DOCK3: variants seen among roughly 807,000 people sequenced by gnomAD.
DOCK3 encodes the protein dedicator of cytokinesis 3, also known as dedicator of cytokinesis protein 3.
Under a neutral mutation model 265.6 loss-of-function variants are expected in DOCK3, and 60 were observed. The ratio of observed to expected loss-of-function variants is 0.23; its 90% CI spans 0.18 to 0.28. The LOEUF is 0.28. DOCK3 is among the 10% of genes least tolerant of loss of function. DOCK3 has a pLI of 1.00. For missense variants in DOCK3, 1,981 were observed against 2,594.3 expected, an observed-to-expected ratio of 0.76 and a Z score of 5.14; for synonymous variants, 881 against 938.0, an observed-to-expected ratio of 0.94 and a Z score of 1.11.
At chr3:50,798,957 A>G (rs943787241) in intron 2 of DOCK3, among the ~76,000 whole-genome samples, 1 of 152,168 alleles carries the variant, frequency 6.6e-6, no homozygotes, top group African/African-American at 2.4e-5. Flanking sequence ...CAGTTTTTTC[A>G]GCATAATTTA....
chr3:50,882,054 G>C (rs959322315), intron 3 of DOCK3, among the ~76,000 whole-genome samples: 1 of 152,138 alleles, frequency 6.6e-6, no homozygotes, highest in Non-Finnish European at 1.5e-5. Flanking sequence ...CGGAAAACTG[G>C]CTAGCCATAC....
chr3:51,229,930 T>C (rs1391960907), intron 19 of DOCK3, among the ~76,000 whole-genome samples: 1 of 152,238 alleles, frequency 6.6e-6, no homozygotes, highest in Non-Finnish European at 1.5e-5. Context: ...TTGCACGTTC[T>C]ACTTCTATGT....
chr3:50,968,053 A>G (rs924335886), intron 5 of DOCK3, among the ~76,000 whole-genome samples: 1 of 152,106 alleles, frequency 6.6e-6, no homozygotes, highest in Non-Finnish European at 1.5e-5. Context: ...TTTTATATTA[A>G]CCATTCTAAC....
chr3:51,064,343 G>T (rs952474505), intron 5 of DOCK3, 105 bp from the exon 6 acceptor site: 3 of 1,427,562 alleles, frequency 2.1e-6, no homozygotes, highest in Admixed American at 1.9e-5. Flanking sequence ...TACCTTAGTA[G>T]TTCAGAGAAA....
chr3:50,977,328 A>G (rs2077491029), intron 5 of DOCK3, among the ~76,000 whole-genome samples: 3 of 151,976 alleles, frequency 2.0e-5, no homozygotes, highest in African/African-American at 7.2e-5. Flanking sequence ...AGCTCTTGTA[A>G]GGCAGGCCTG....
rs866606149 is a variant in DOCK3, at chr3:51,260,298, G to A, written c.2327G>A (p.Arg776Gln). The A allele has an allele frequency of 9.3e-6, 15 of 1,613,628 alleles. No individual in the cohort carries two copies. Among genetic ancestry groups the A allele is most frequent in the Middle Eastern group, 1.6e-4 (1 of 6,078 alleles). Reference sequence around the variant, plus strand: ...CGGTTTGTGCTCAGTCTGGACAGCCGAAACTCAGAAACACTCCTTTTTACT... The same window carrying A: ...CGGTTTGTGCTCAGTCTGGACAGCCAAAACTCAGAAACACTCCTTTTTACT... Reference protein sequence around the residue: ...SIRFVLSLDSRNSETLLFTQA... With the variant: ...SIRFVLSLDSQNSETLLFTQA... Residue 776 changes from arginine to glutamine, a missense_variant, in exon 23 of 53, where the codon CGA (arginine) becomes CAA (glutamine). Arg to Gln is a conservative substitution (Grantham distance 43, BLOSUM62 1). This residue lies in a region of DOCK3 where 1,357 missense variants were observed against 1,866.8 expected (regional missense o/e 0.73). Transcript: ENST00000266037.
intron 32 of DOCK3, among the ~76,000 whole-genome samples, chr3:51,316,672 A>G (rs1347446860): frequency 1.3e-5 from 2 of 152,206 alleles, no homozygotes; most frequent in Admixed American, 1.3e-4. Flanking sequence ...GTGTAGTTGT[A>G]TATCATTGTG....
intron 1 of DOCK3, among the ~76,000 whole-genome samples, chr3:50,758,630 A>G (rs752926434): frequency 2.0e-5 from 3 of 152,118 alleles, no homozygotes; most frequent in Non-Finnish European, 4.4e-5. Context: ...GAACTTTTTC[A>G]TCTTCCTCAG....
At chr3:50,936,592 C>T (rs1216404661) in intron 5 of DOCK3, among the ~76,000 whole-genome samples, 2 of 152,084 alleles carry the variant, frequency 1.3e-5, no homozygotes, top group Admixed American at 1.3e-4. Context: ...GCTGTGTCAG[C>T]AATTTGAGTA....
At chr3:51,211,729 A>G (rs922140329) in intron 13 of DOCK3, among the ~76,000 whole-genome samples, 2 of 152,158 alleles carry the variant, frequency 1.3e-5, no homozygotes, top group Non-Finnish European at 2.9e-5. Flanking sequence ...CATGGTATAT[A>G]TGTGCCATAT....
intron 28 of DOCK3, 65 bp downstream of exon 28, chr3:51,310,391 A>T (rs1431793337): frequency 6.5e-6 from 9 of 1,393,640 alleles, no homozygotes; most frequent in Non-Finnish European, 8.0e-6. Flanking sequence ...GAGTATGTGT[A>T]TTTCAGAGAG....
At chr3:50,714,579 T>C (rs1349611254) in intron 1 of DOCK3, among the ~76,000 whole-genome samples, 1 of 152,168 alleles carries the variant, frequency 6.6e-6, no homozygotes, top group East Asian at 1.9e-4. Flanking sequence ...CCTCCTGGGC[T>C]CAAGGGACTG....
At chr3:51,215,141 T>TTTA (rs2089713098) in intron 14 of DOCK3, among the ~76,000 whole-genome samples, 1 of 152,302 alleles carries the variant, frequency 6.6e-6, no homozygotes, top group Admixed American at 6.5e-5. Flanking sequence ...ACAGTCTTAC[T>TTTA]CTGTTGCCCA....
intron 40 of DOCK3, among the ~76,000 whole-genome samples, chr3:51,351,469 G>T (rs2085973794): frequency 6.6e-6 from 1 of 152,096 alleles, no homozygotes; most frequent in Admixed American, 6.6e-5. Context: ...CAGAAGTAAG[G>T]CAGGTCAACT....
chr3:50,722,134 A>C (rs1416738360), intron 1 of DOCK3, among the ~76,000 whole-genome samples: 1 of 152,186 alleles, frequency 6.6e-6, no homozygotes, highest in African/African-American at 2.4e-5. Flanking sequence ...AAGCTGAGAG[A>C]GATCCTCCTG....
chr3:51,129,941 G>A (rs1023214852), intron 9 of DOCK3, among the ~76,000 whole-genome samples: 10 of 152,136 alleles, frequency 6.6e-5, no homozygotes, highest in Admixed American at 2.0e-4. Flanking sequence ...TAAATGTGCC[G>A]GAGTAACACA....
intron 5 of DOCK3, among the ~76,000 whole-genome samples, chr3:51,008,246 C>T (rs9713538): frequency 0.82 from 125,301 of 152,176 alleles, 52,226 homozygotes; most frequent in East Asian, 0.95. Context: ...TGGATTCTTC[C>T]TATCCATGAA....
In DOCK3 at chr3:51,356,271, A is replaced by G; in HGVS notation, c.4416+16A>G. 1 of 1,467,464 alleles carries G rather than the reference A, an allele frequency of 6.8e-7. No individual in the cohort carries two copies. The highest frequency in any genetic ancestry group is 9.0e-7 in the Non-Finnish European group (1 of 1,115,840). 90.9% of individuals were successfully genotyped at this position (1,467,464 alleles called of 1,614,324 possible). A position where few individuals can be genotyped will look rare whatever the true frequency, so the allele number is the denominator to read the frequency against. On this transcript the variant is annotated intron_variant, in intron 42 of 52. Coordinates refer to ENST00000266037, the MANE Select transcript of DOCK3 (RefSeq NM_004947.5). ...TGAATTCAAGGTGAACAAATCTAGG[A>G]AAACGGGCAGTACACACAGCAAGTC...
At chr3:51,172,874 T>C (rs771839744) in intron 12 of DOCK3, among the ~76,000 whole-genome samples, 2 of 152,234 alleles carry the variant, frequency 1.3e-5, no homozygotes, top group African/African-American at 2.4e-5. Context: ...TTTTTTGTTA[T>C]GACAATTTAA....
Sources: allele counts gnomAD v4.1 joint callset (sites outside exome capture counted in the v4.1 genomes callset), GRCh38; gene constraint gnomAD v4.1.1; regional missense constraint gnomAD v4.1.1; transcripts MANE v1.5; gene names NCBI Gene and HGNC (gene_info 2026-07-23, HGNC 2026-07-21).